COL11A1: variants seen among roughly 807,000 people sequenced by gnomAD.
The protein encoded by COL11A1 is collagen alpha-1(XI) chain.
COL11A1 carries 74 observed loss-of-function variants against 265.2 expected under a neutral mutation model. That is an observed-to-expected ratio of 0.28 (90% CI 0.23 to 0.34). The LOEUF is 0.34. Ranked by LOEUF, COL11A1 falls within the 10% of genes least tolerant of loss-of-function variation. COL11A1 has a pLI of 1.00. For synonymous variants in COL11A1, 816 were observed against 727.6 expected, an observed-to-expected ratio of 1.12 and a Z score of -1.96; for missense variants, 2,165 against 2,263.6, an observed-to-expected ratio of 0.96 and a Z score of 0.88.
intron 4 of COL11A1, among the ~76,000 whole-genome samples, chr1:103,044,292 T>C (rs1010789243): frequency 6.6e-6 from 1 of 152,044 alleles, no homozygotes; most frequent in African/African-American, 2.4e-5. Context: ...AGAGATTGCA[T>C]TTGAACCATA....
intron 46 of COL11A1, among the ~76,000 whole-genome samples, chr1:102,930,700 C>T (rs1446106022): frequency 5.9e-5 from 9 of 152,032 alleles, no homozygotes; most frequent in East Asian, 1.9e-4. Flanking sequence ...TGGTAGAATT[C>T]GGCTGTGAAT....
chr1:102,956,414 T>A (rs1340938058), intron 41 of COL11A1, among the ~76,000 whole-genome samples: 5 of 152,192 alleles, frequency 3.3e-5, no homozygotes, highest in Admixed American at 6.5e-5. Flanking sequence ...TTTAATAGAT[T>A]GTCTGATATT....
At chr1:102,935,194 C>T in intron 44 of COL11A1, 81 bp from the exon 45 acceptor site, 1 of 1,105,596 alleles carries the variant, frequency 9.0e-7, no homozygotes. Flanking sequence ...TTTAGCCTAC[C>T]AAGATCAAAC....
chr1:102,991,112 G>T (rs1664085029), intron 28 of COL11A1, among the ~76,000 whole-genome samples: 1 of 152,058 alleles, frequency 6.6e-6, no homozygotes, highest in South Asian at 2.1e-4. Flanking sequence ...AAGTAGAAAG[G>T]GTGTCTGGAG....
chr1:102,879,492 T>C (rs1432263200), intron 66 of COL11A1, among the ~76,000 whole-genome samples, 191 bp downstream of exon 66: 2 of 152,218 alleles, frequency 1.3e-5, no homozygotes, highest in South Asian at 2.1e-4. Context: ...AGAGTGTCTA[T>C]GTGCATAACT....
intron 42 of COL11A1, among the ~76,000 whole-genome samples, chr1:102,946,644 G>A (rs374702653): frequency 3.3e-5 from 5 of 151,670 alleles, no homozygotes; most frequent in African/African-American, 7.3e-5. Flanking sequence ...CAGGTATTAC[G>A]GTTTCATAAA....
intron 4 of COL11A1, among the ~76,000 whole-genome samples, chr1:103,042,064 A>G (rs1161387566): frequency 1.3e-5 from 2 of 152,090 alleles, no homozygotes; most frequent in African/African-American, 4.8e-5. Flanking sequence ...ATAACTTTTA[A>G]TTCTAACTTG....
chr1:103,088,993 T>A (rs559526796), intron 1 of COL11A1, among the ~76,000 whole-genome samples: 1 of 152,340 alleles, frequency 6.6e-6, no homozygotes, highest in African/African-American at 2.4e-5. Context: ...CTGACATTTA[T>A]TACTAGAACT....
rs1052439001 is a variant in COL11A1, at chr1:102,974,954, T to A, written c.2755-71A>T. 24 of 1,121,114 alleles carry A rather than the reference T, an allele frequency of 2.1e-5. No individual in the cohort carries two copies. In the South Asian group the frequency reaches 3.0e-4, roughly 14 times the overall value. The allele number at this position is 1,121,114 out of a possible 1,614,324, so 69.4% of individuals were successfully genotyped here. ...AGATGCATCTTTATACTTTGAGGTTTATTTACATAGACAAAATACAATGTA... is the reference window on the plus strand; with the variant it reads ...AGATGCATCTTTATACTTTGAGGTTAATTTACATAGACAAAATACAATGTA... On this transcript the variant is annotated intron_variant, in intron 35 of 66. Transcript: ENST00000370096.
intron 5 of COL11A1, among the ~76,000 whole-genome samples, chr1:103,028,606 T>A (rs1667746891): frequency 1.3e-5 from 2 of 152,084 alleles, no homozygotes; most frequent in Admixed American, 6.6e-5. Flanking sequence ...ATGGAATAAT[T>A]TCAACTTTGT....
At position 102,979,449 on chromosome 1, in the gene COL11A1, A is replaced by G. The variant is rs546175264; in HGVS notation, c.2557-14T>C. ...TCCAGTGGAACCCTACAATAATAAAAGTAAATAATGAATAAACATGGCAAT... is the reference window on the plus strand; with the variant it reads ...TCCAGTGGAACCCTACAATAATAAAGGTAAATAATGAATAAACATGGCAAT... On this transcript the variant is annotated splice_polypyrimidine_tract_variant and intron_variant, in intron 31 of 66. Coordinates refer to ENST00000370096, the MANE Select transcript of COL11A1 (RefSeq NM_001854.4). 3 of 1,576,880 alleles carry G rather than the reference A, an allele frequency of 1.9e-6. No individual in the cohort carries two copies. Among genetic ancestry groups the G allele is most frequent in the Admixed American group, 3.3e-5 (2 of 59,808 alleles).
At chr1:103,065,573 C>CAAA (rs61016929) in intron 4 of COL11A1, among the ~76,000 whole-genome samples, 2 of 130,670 alleles carry the variant, frequency 1.5e-5, no homozygotes, top group African/African-American at 6.0e-5. Context: ...AACAAACAAA[C>CAAA]AAAAAAAATA....
At chr1:103,102,826 A>G (rs1435700204) in intron 1 of COL11A1, among the ~76,000 whole-genome samples, 1 of 152,102 alleles carries the variant, frequency 6.6e-6, no homozygotes, top group Non-Finnish European at 1.5e-5. Flanking sequence ...ATGGCCATGT[A>G]TTGCTTTTCC....
At chr1:102,960,762 A>G (rs543485562) in intron 41 of COL11A1, among the ~76,000 whole-genome samples, 1 of 152,158 alleles carries the variant, frequency 6.6e-6, no homozygotes, top group East Asian at 1.9e-4. Flanking sequence ...AAAGGACTAT[A>G]GCAATTGGGG....
intron 36 of COL11A1, among the ~76,000 whole-genome samples, chr1:102,972,694 G>C (rs1662080225): frequency 6.6e-6 from 1 of 152,108 alleles, no homozygotes; most frequent in Admixed American, 6.5e-5. Flanking sequence ...ACAGGACAGA[G>C]AGAACAAATT....
At chr1:103,004,390 C>A in intron 20 of COL11A1, 54 bp downstream of exon 20, 2 of 1,284,792 alleles carry the variant, frequency 1.6e-6, no homozygotes, top group South Asian at 2.4e-5. Context: ...TAACACCAGT[C>A]ACTAGTCCTA....
At position 103,078,807 on chromosome 1, in the gene COL11A1, A is replaced by C. The variant is rs766184909; in HGVS notation, c.339T>G (p.Ser113=). ...FTVKPKKGIQ[S]FLLSIYNEHG... ...GCTCATTATATATAGATAAAAGGAA[A>C]GACTGAATTCCTTTTTTTGGTTTTA... Residue 113 remains serine (S), a synonymous_variant, in exon 3 of 67, where the codon TCT becomes TCG. Transcript: ENST00000370096. 2 of 1,612,032 alleles carry C rather than the reference A, an allele frequency of 1.2e-6. No homozygotes were observed. The highest frequency in any genetic ancestry group is 1.7e-6 in the Non-Finnish European group (2 of 1,178,600).
At chr1:102,889,645 A>G in intron 58 of COL11A1, 83 bp from the exon 59 acceptor site, 1 of 971,420 alleles carries the variant, frequency 1.0e-6, no homozygotes, top group South Asian at 1.4e-5. Context: ...TGCACATTAA[A>G]TTTCTAAAGC....
rs889662237 is a variant in COL11A1, at chr1:102,946,835, T to C, written c.3276+14A>G. ...GGTAGCAGCATAATATATTTTCTCCTAGACATTACTTACAGGAGCACCTTT... is the reference window on the plus strand; with the variant it reads ...GGTAGCAGCATAATATATTTTCTCCCAGACATTACTTACAGGAGCACCTTT... On this transcript the variant is annotated intron_variant, in intron 42 of 66. Transcript: ENST00000370096. 3.1e-6 allele frequency: 5 copies of C among 1,600,982 alleles called. No individual in the cohort carries two copies. The highest frequency in any genetic ancestry group is 3.4e-6 in the Non-Finnish European group (4 of 1,169,112).
Sources: gnomAD v4.1 joint callset for allele counts (sites outside exome capture counted in the v4.1 genomes callset) on GRCh38, gnomAD v4.1.1 for gene constraint, MANE v1.5 for transcripts, NCBI Gene and HGNC (gene_info 2026-07-23, HGNC 2026-07-21) for gene names.